Variants in WWOX observed in about 807,000 individuals in gnomAD.
The protein encoded by WWOX is WW domain containing oxidoreductase, also known as WW domain-containing oxidoreductase.
Under a neutral mutation model 46.2 loss-of-function variants are expected in WWOX, and 69 were observed. The ratio of observed to expected loss-of-function variants is 1.49; its 90% CI spans 1.23 to 1.82. The LOEUF (loss-of-function observed/expected upper bound fraction) is 1.82, where lower values mean the gene tolerates loss of function less well. Among genes scored for constraint, WWOX ranks in the 40% most tolerant of loss-of-function variants. WWOX has a pLI of 0.00. For synonymous variants in WWOX, 359 were observed against 202.6 expected, an observed-to-expected ratio of 1.77 and a Z score of -6.56; for missense variants, 919 against 542.6, an observed-to-expected ratio of 1.69 and a Z score of -6.89.
intron 8 of WWOX, among the ~76,000 whole-genome samples, chr16:79,148,572 A>G (rs2050221458): frequency 6.6e-6 from 1 of 152,160 alleles, no homozygotes; most frequent in Non-Finnish European, 1.5e-5. Flanking sequence ...TATAAATTGT[A>G]CAATATGGTT....
intron 8 of WWOX, among the ~76,000 whole-genome samples, chr16:78,519,554 A>G (rs557987701): frequency 5.9e-5 from 9 of 152,048 alleles, no homozygotes; most frequent in East Asian, 3.9e-4. Flanking sequence ...AGGGTGTGCT[A>G]TGGTTAGAAA....
At chr16:79,201,707 G>A (rs969197281) in intron 8 of WWOX, among the ~76,000 whole-genome samples, 2 of 148,800 alleles carry the variant, frequency 1.3e-5, no homozygotes. Context: ...AAGAGTGAAT[G>A]TTGCTCAGTT....
At chr16:78,528,165 A>ATTTTTTT (rs56803717) in intron 8 of WWOX, among the ~76,000 whole-genome samples, 25 of 58,398 alleles carry the variant, frequency 4.3e-4, no homozygotes, top group African/African-American at 2.0e-3. Context: ...CACCTGGCTA[A>ATTTTTTT]TTTTTTTTTT....
chr16:79,205,467 G>A (rs1350644111), intron 8 of WWOX: 2 of 152,186 alleles, frequency 1.3e-5, no homozygotes, highest in African/African-American at 4.8e-5. Context: ...TAATTTGTTA[G>A]GGAGGGCATG....
chr16:78,433,034 T>G (rs2083261047), intron 8 of WWOX, among the ~76,000 whole-genome samples: 1 of 152,166 alleles, frequency 6.6e-6, no homozygotes, highest in South Asian at 2.1e-4. Flanking sequence ...TTGTTTGGTT[T>G]TGTTTTTTTT....
chr16:78,603,017 G>C (rs1385248067), intron 8 of WWOX, among the ~76,000 whole-genome samples: 3 of 152,198 alleles, frequency 2.0e-5, no homozygotes, highest in African/African-American at 4.8e-5. Context: ...CACCTTGCCA[G>C]TATCTAGCGT....
At chr16:79,154,786 A>T (rs550056695) in intron 8 of WWOX, among the ~76,000 whole-genome samples, 1 of 152,174 alleles carries the variant, frequency 6.6e-6, no homozygotes, top group African/African-American at 2.4e-5. Flanking sequence ...ACCATTTTTT[A>T]GGTCCTCATG....
chr16:78,110,501 A>G (rs1342075668), intron 3 of WWOX, among the ~76,000 whole-genome samples: 1 of 152,228 alleles, frequency 6.6e-6, no homozygotes, highest in Non-Finnish European at 1.5e-5. Context: ...CAGATATACT[A>G]TAATTTATCA....
At chr16:78,854,634 G>A (rs1274554794) in intron 8 of WWOX, among the ~76,000 whole-genome samples, 1 of 152,160 alleles carries the variant, frequency 6.6e-6, no homozygotes, top group African/African-American at 2.4e-5. Context: ...AGACTGGAGT[G>A]CAGTGGCGCG....
intron 8 of WWOX, among the ~76,000 whole-genome samples, chr16:78,926,851 C>T (rs958922244): frequency 1.3e-5 from 2 of 152,082 alleles, no homozygotes; most frequent in Non-Finnish European, 2.9e-5. Flanking sequence ...GGCTGGAGTA[C>T]ATTGGTGCGA....
intron 5 of WWOX, among the ~76,000 whole-genome samples, chr16:78,208,013 A>T (rs1212673331): frequency 6.6e-6 from 1 of 152,064 alleles, no homozygotes; most frequent in African/African-American, 2.4e-5. Flanking sequence ...GGGTTTCGCC[A>T]TGTTGGCCAG....
intron 5 of WWOX, chr16:78,167,366 C>G (rs550135286): frequency 6.6e-6 from 1 of 152,162 alleles, no homozygotes; most frequent in South Asian, 2.1e-4. Context: ...ATATTTTGAG[C>G]CTTAATTGGG....
At chr16:78,791,420 C>A (rs1372905444) in intron 8 of WWOX, among the ~76,000 whole-genome samples, 1 of 152,162 alleles carries the variant, frequency 6.6e-6, no homozygotes, top group East Asian at 1.9e-4. Flanking sequence ...CATTCATCTC[C>A]TGAAACGTAA....
intron 8 of WWOX, among the ~76,000 whole-genome samples, chr16:78,985,443 C>G (rs570906670): frequency 6.8e-4 from 104 of 152,316 alleles, no homozygotes; most frequent in African/African-American, 2.5e-3. Context: ...GTACAGATCT[C>G]TCCCTGTCAC....
intron 5 of WWOX, among the ~76,000 whole-genome samples, chr16:78,365,876 C>G (rs1029603179): frequency 6.6e-6 from 1 of 152,150 alleles, no homozygotes. Context: ...CCTTTCCTTA[C>G]AGAAACATTA....
intron 8 of WWOX, among the ~76,000 whole-genome samples, chr16:78,718,878 G>A (rs13336413): frequency 3.9e-5 from 6 of 152,140 alleles, no homozygotes; most frequent in Non-Finnish European, 8.8e-5. Context: ...TAAAGGTGAA[G>A]AATTGGGGAG....
At chr16:78,784,037 T>A (rs1448969392) in intron 8 of WWOX, among the ~76,000 whole-genome samples, 1 of 152,076 alleles carries the variant, frequency 6.6e-6, no homozygotes, top group African/African-American at 2.4e-5. Flanking sequence ...ATAATGATGA[T>A]GATAGTGATG....
At chr16:78,392,374 T>C (rs1003802857) in intron 6 of WWOX, among the ~76,000 whole-genome samples, 1 of 152,166 alleles carries the variant, frequency 6.6e-6, no homozygotes, top group African/African-American at 2.4e-5. Context: ...TGGGATTGTC[T>C]AGTTCTAGGA....
chr16:79,182,418 A>G (rs553505412), intron 8 of WWOX, among the ~76,000 whole-genome samples: 6 of 152,116 alleles, frequency 3.9e-5, no homozygotes, highest in African/African-American at 1.4e-4. Context: ...TATCCCGTTA[A>G]TATATGTTAT....
Sources: gnomAD v4.1 joint callset for allele counts (sites outside exome capture counted in the v4.1 genomes callset) on GRCh38, gnomAD v4.1.1 for gene constraint, MANE v1.5 for transcripts, NCBI Gene and HGNC (gene_info 2026-07-23, HGNC 2026-07-21) for gene names.